The following EYS variants were observed in gnomAD, a reference collection of about 807,000 sequenced individuals.
The protein encoded by EYS is EGF-like photoreceptor maintenance factor.
In EYS, 250 loss-of-function variants were observed where a neutral mutation model predicts 282.1. The ratio of observed to expected loss-of-function variants is 0.89; its 90% CI spans 0.80 to 0.98. The LOEUF (loss-of-function observed/expected upper bound fraction) is 0.98. Ranked by LOEUF, EYS falls within the 50% of genes least tolerant of loss-of-function variation. EYS has a pLI of 0.00. For synonymous variants in EYS, 1,355 were observed against 1,282.9 expected (o/e 1.06, Z -1.20); for missense variants, 4,016 against 3,709.0 (o/e 1.08, Z -2.15).
chr6:65,382,598 A>G (rs976835574), intron 8 of EYS, among the ~76,000 whole-genome samples: 40 of 151,582 alleles, frequency 2.6e-4, no homozygotes, highest in African/African-American at 9.5e-4. Context: ...GAGTTTATTA[A>G]GGAGTATTAA....
In EYS at chr6:65,331,026, T is replaced by C. The variant is rs938454666; in HGVS notation, c.1766+3954A>G. The stretch of plus-strand genomic sequence containing the variant: ...GAGCTCTCTGTTGACCCATTATTAT[T>C]TTTTTTCCTTTAAAGGCACCCATAT... On this transcript the variant is annotated intron_variant, in intron 11 of 42. Coordinates refer to ENST00000503581, the MANE Select transcript of EYS (RefSeq NM_001142800.2). 3 of 984,202 alleles carry C rather than the reference T, an allele frequency of 3.0e-6. No homozygotes were observed. In the African/African-American group the frequency reaches 5.3e-5, roughly 17 times the overall value. 61.0% of individuals were successfully genotyped at this position (984,202 alleles called of 1,614,324 possible).
chr6:65,211,897 G>C (rs1429689140), intron 12 of EYS, among the ~76,000 whole-genome samples: 1 of 151,842 alleles, frequency 6.6e-6, no homozygotes, highest in Non-Finnish European at 1.5e-5. Flanking sequence ...ACCCAAAGTA[G>C]GTTAAAATTT....
intron 35 of EYS, among the ~76,000 whole-genome samples, chr6:63,893,010 A>G (rs1162279023): frequency 6.6e-6 from 1 of 152,142 alleles, no homozygotes; most frequent in East Asian, 1.9e-4. Flanking sequence ...AAGAAATACA[A>G]ATCAAAACCA....
chr6:65,530,806 A>G (rs554838185), intron 2 of EYS, among the ~76,000 whole-genome samples: 19 of 152,270 alleles, frequency 1.2e-4, no homozygotes, highest in Middle Eastern at 6.8e-3. Flanking sequence ...GGAATGGCCA[A>G]AAGTTTTTAG....
chr6:64,532,586 G>A (rs1227402744), intron 26 of EYS, among the ~76,000 whole-genome samples: 6 of 152,162 alleles, frequency 3.9e-5, no homozygotes, highest in Non-Finnish European at 5.9e-5. Context: ...GCAGGCGCCC[G>A]TAGTCCCAGC....
At chr6:64,411,523 T>C (rs1773890069) in intron 28 of EYS, among the ~76,000 whole-genome samples, 1 of 152,058 alleles carries the variant, frequency 6.6e-6, no homozygotes, top group Non-Finnish European at 1.5e-5. Flanking sequence ...GGCTCATACA[T>C]TTATAAAAGT....
chr6:64,080,894 G>C (rs547831288), intron 32 of EYS, among the ~76,000 whole-genome samples: 75 of 152,046 alleles, frequency 4.9e-4, no homozygotes, highest in African/African-American at 1.5e-3. Flanking sequence ...TCTGAGGGCT[G>C]TGTTCTGTTC....
chr6:65,060,524 G>T (rs1773538998), intron 12 of EYS, among the ~76,000 whole-genome samples: 1 of 151,732 alleles, frequency 6.6e-6, no homozygotes. Flanking sequence ...TTCCTTCTTG[G>T]TCTTCTCTCT....
At chr6:64,807,210 T>C (rs1358859691) in intron 22 of EYS, among the ~76,000 whole-genome samples, 1 of 152,140 alleles carries the variant, frequency 6.6e-6, no homozygotes, top group Non-Finnish European at 1.5e-5. Context: ...TGACTATAAA[T>C]ATTTCTTCTC....
chr6:64,431,398 G>A (rs1774571294), intron 28 of EYS, among the ~76,000 whole-genome samples: 1 of 152,118 alleles, frequency 6.6e-6, no homozygotes, highest in South Asian at 2.1e-4. Flanking sequence ...ATTCTGAGCT[G>A]CTGAGGGTTA....
At chr6:64,022,184 T>G (rs1001785283) in intron 33 of EYS, among the ~76,000 whole-genome samples, 13 of 152,218 alleles carry the variant, frequency 8.5e-5, no homozygotes, top group Non-Finnish European at 1.9e-4. Flanking sequence ...CTCCATTAAA[T>G]TGAATATGTT....
chr6:63,950,128 C>T (rs1765527271), intron 35 of EYS, among the ~76,000 whole-genome samples: 1 of 151,230 alleles, frequency 6.6e-6, no homozygotes. Flanking sequence ...GCCAAGATCA[C>T]ACCACTGCAC....
At chr6:65,148,068 G>A (rs993741318) in intron 12 of EYS, among the ~76,000 whole-genome samples, 49 of 151,990 alleles carry the variant, frequency 3.2e-4, no homozygotes, top group African/African-American at 8.9e-4. Flanking sequence ...TCGGGTGAGC[G>A]CATAGGCAAA....
At chr6:65,156,224 T>C (rs948079032) in intron 12 of EYS, among the ~76,000 whole-genome samples, 4 of 151,222 alleles carry the variant, frequency 2.6e-5, no homozygotes, top group Admixed American at 1.3e-4. Flanking sequence ...CTTGGAATTA[T>C]AGTGTATTCC....
intron 8 of EYS, among the ~76,000 whole-genome samples, chr6:65,380,279 A>C (rs1765561365): frequency 6.6e-6 from 1 of 152,142 alleles, no homozygotes; most frequent in Non-Finnish European, 1.5e-5. Context: ...AGATATATAG[A>C]CCAATGGAAC....
At chr6:63,984,351 C>T (rs1368945208) in intron 35 of EYS, 32 bp downstream of exon 35, 13 of 1,417,034 alleles carry the variant, frequency 9.2e-6, no homozygotes, top group South Asian at 2.5e-5. Context: ...AGTCATGTAA[C>T]GTAGGTTGGG....
chr6:65,335,626 T>A (rs1281282724), intron 10 of EYS, among the ~76,000 whole-genome samples: 1 of 151,616 alleles, frequency 6.6e-6, no homozygotes. Context: ...AAAGAGAACA[T>A]GGGATGTATG....
At chr6:65,224,121 AAATACAAATTCTT>A (rs1175620368) in intron 12 of EYS, among the ~76,000 whole-genome samples, 1 of 152,130 alleles carries the variant, frequency 6.6e-6, no homozygotes, top group Non-Finnish European at 1.5e-5. Context: ...ACCAACAACA[AAATACAAATTCTT>A]ATTAAGTTCA....
chr6:63,735,039 A>G (rs1360381184), intron 41 of EYS, among the ~76,000 whole-genome samples: 1 of 152,106 alleles, frequency 6.6e-6, no homozygotes, highest in East Asian at 1.9e-4. Context: ...AAGAATTGAT[A>G]TTATATTTAC....
Sources: allele counts gnomAD v4.1 joint callset (sites outside exome capture counted in the v4.1 genomes callset), GRCh38; gene constraint gnomAD v4.1.1; transcripts MANE v1.5; gene names NCBI Gene and HGNC (gene_info 2026-07-23, HGNC 2026-07-21).